Variants in TARS3 observed in about 807,000 individuals in gnomAD.
The protein encoded by TARS3 is threonyl-tRNA synthetase 3.
Under a neutral mutation model 103.5 loss-of-function variants are expected in TARS3, and 94 were observed. The ratio of observed to expected loss-of-function variants is 0.91; its 90% confidence interval spans 0.77 to 1.08. TARS3 has a LOEUF of 1.08. Among genes scored for constraint, TARS3 ranks in the 50% least tolerant of loss-of-function variants. The pLI is 0.00. For synonymous variants in TARS3, 416 were observed against 355.4 expected (o/e 1.17, Z -1.92); for missense variants, 952 against 995.2 (o/e 0.96, Z 0.58).
chr15:101,664,571 C>T (rs1011436482), intron 15 of TARS3: 19 of 152,178 alleles, frequency 1.2e-4, no homozygotes, highest in Admixed American at 7.9e-4. Flanking sequence ...ACTGAACTGA[C>T]ACCGAACCGC....
Position 101,657,004 on chromosome 15 carries a change from C to G in TARS3, c.2178G>C (p.Met726Ile). The G allele has an allele frequency of 6.2e-7, 1 of 1,613,782 alleles. No homozygotes were observed. Among genetic ancestry groups the G allele is most frequent in the Non-Finnish European group, 8.5e-7 (1 of 1,179,762 alleles). The change falls in exon 18 of 19, where the codon ATG (methionine) becomes ATC (isoleucine). Residue 726 changes from methionine to isoleucine, a missense_variant. Met to Ile is a conservative substitution (Grantham distance 10, BLOSUM62 1). Transcript: ENST00000335968. The part of the protein sequence containing the change: ...VSSEFFEEGF[M>I]ADVDLDHSCT... ...AACTGTGATCCAAGTCAACGTCAGC[C>G]ATAAATCCTTCTTCAAAAAATTCAC...
chr15:101,661,144 A>AGGACCAC (rs879628417), intron 16 of TARS3, among the ~76,000 whole-genome samples: 1 of 151,368 alleles, frequency 6.6e-6, no homozygotes, highest in African/African-American at 2.4e-5. Context: ...CCACTCAAAA[A>AGGACCAC]AGACCACAAG....
intron 7 of TARS3, among the ~76,000 whole-genome samples, chr15:101,704,862 T>C (rs1347775944): frequency 6.7e-6 from 1 of 149,820 alleles, no homozygotes; most frequent in Non-Finnish European, 1.5e-5. Flanking sequence ...ATTTTTAAGC[T>C]TTAAGAAATG....
rs948842509 is a variant in TARS3, at chr15:101,722,602, C to A, written c.369+491G>T. Among the ~76,000 whole-genome samples, 94 of 129,130 alleles carry A rather than the reference C, an allele frequency of 7.3e-4. 1 individual carries two copies. The highest frequency in any genetic ancestry group is 5.4e-3 in the Middle Eastern group (1 of 184). The allele number at this position is 129,130 out of a possible 152,430, so 84.7% of individuals were successfully genotyped here. A position where few individuals can be genotyped will look rare whatever the true frequency, so the allele number is the denominator to read the frequency against. ...TGGGCGGATCATGAGGTCAGGAGAT[C>A]GAGATCCTCCTGGCTAACACGGTGA... On this transcript the variant is annotated intron_variant, in intron 2 of 18. Coordinates refer to ENST00000335968, the MANE Select transcript of TARS3 (RefSeq NM_152334.3).
At chr15:101,702,148 C>T in intron 9 of TARS3, 91 bp downstream of exon 9, 1 of 1,503,488 alleles carries the variant, frequency 6.7e-7, no homozygotes, top group Non-Finnish European at 9.1e-7. Flanking sequence ...AAGAAGAAAT[C>T]TTATTTTTAA....
rs147811766 is a variant in TARS3 at position 101,654,377 on chromosome 15, C to G, written c.*205G>C. 5.1e-5 allele frequency: 24 copies of G among 468,766 alleles called. No individual in the cohort carries two copies. Among genetic ancestry groups the G allele is most frequent in the African/African-American group, 4.4e-4 (22 of 49,590 alleles). 29.0% of individuals were successfully genotyped at this position (468,766 alleles called of 1,614,324 possible). Reference sequence around the variant, plus strand: ...AGGCATTGATTGCTGGAAAATTTCCCACGTGCCCTCTAAACGTCCCCCGTG... The same window carrying G: ...AGGCATTGATTGCTGGAAAATTTCCGACGTGCCCTCTAAACGTCCCCCGTG... On this transcript the variant is annotated 3_prime_UTR_variant, in exon 19 of 19. Transcript: ENST00000335968.
chr15:101,704,577 C>A lies in TARS3; in HGVS notation c.996-640G>T, dbSNP rs575711091. ...GGCTGAGGCAGGAGAATCACTTGAA[C>A]CTGGGAGGCAGAGGTTGCGGTGAAC... On this transcript the variant is annotated intron_variant, in intron 7 of 18. Transcript: ENST00000335968. Among the ~76,000 whole-genome samples, 28 of 151,592 alleles carry A rather than the reference C, an allele frequency of 1.8e-4. No homozygotes were observed. In the East Asian group the frequency reaches 5.4e-3, roughly 29 times the overall value.
intron 16 of TARS3, among the ~76,000 whole-genome samples, chr15:101,661,299 A>C (rs1897368299): frequency 6.6e-6 from 1 of 151,588 alleles, no homozygotes; most frequent in South Asian, 2.1e-4. Context: ...GCTGTAGGGA[A>C]CCCCAAAGGC....
intron 7 of TARS3, among the ~76,000 whole-genome samples, chr15:101,705,322 A>G (rs901517424): frequency 4.6e-5 from 7 of 152,174 alleles, no homozygotes; most frequent in African/African-American, 1.7e-4. Flanking sequence ...CTGGACAGTA[A>G]GTATGAGGCA....
At chr15:101,663,755 T>C (rs1296646394) in intron 15 of TARS3, among the ~76,000 whole-genome samples, 1 of 152,226 alleles carries the variant, frequency 6.6e-6, no homozygotes, top group African/African-American at 2.4e-5. Flanking sequence ...CTAATAATAA[T>C]TTTATCTCTT....
At chr15:101,659,936 C>A (rs1156940101) in intron 16 of TARS3, among the ~76,000 whole-genome samples, 2 of 152,136 alleles carry the variant, frequency 1.3e-5, no homozygotes, top group Non-Finnish European at 2.9e-5. Context: ...GTTTCCTGCT[C>A]AAAAATTTGC....
chr15:101,655,361 A>G lies in TARS3; in HGVS notation c.2261-631T>C, dbSNP rs866897881. Among the ~76,000 whole-genome samples, 278 of 116,520 alleles carry G rather than the reference A, an allele frequency of 2.4e-3. 2 individuals are homozygous for G. The highest frequency in any genetic ancestry group is 5.0e-3 in the African/African-American group (143 of 28,404). 76.4% of individuals were successfully genotyped at this position (116,520 alleles called of 152,430 possible). ...TGACCCCACCTGGCACTAGGGTGCAAATGAGAGGGGGGAGCTCTTACAGGC... is the reference window on the plus strand; with the variant it reads ...TGACCCCACCTGGCACTAGGGTGCAGATGAGAGGGGGGAGCTCTTACAGGC... On this transcript the variant is annotated intron_variant, in intron 18 of 18. Coordinates refer to ENST00000335968, the MANE Select transcript of TARS3 (RefSeq NM_152334.3).
intron 8 of TARS3, among the ~76,000 whole-genome samples, chr15:101,703,025 G>A (rs1328542787): frequency 1.3e-5 from 2 of 152,156 alleles, no homozygotes; most frequent in Non-Finnish European, 2.9e-5. Context: ...GTAAAGGTCG[G>A]TCTTGCTGAC....
rs1288319923 is a variant in TARS3, at chr15:101,724,264, T to G, written c.124A>C (p.Ser42Arg). Residue 42 changes from serine to arginine, a missense_variant, in exon 1 of 19, where the codon AGC (serine) becomes CGC (arginine). By Grantham distance (110) the Ser-to-Arg change is moderately radical. Coordinates refer to ENST00000335968, the MANE Select transcript of TARS3 (RefSeq NM_152334.3). ...AGGCACGGCCCCTCCGCCTGGCAGC[T>G]GTAGGGCGCGTTCAGCTGCTCGTCC... is the stretch of plus-strand genomic sequence containing the variant. Reference protein sequence around the residue: ...LRDEQLNAPYSCQAEGPCLTR... With the variant: ...LRDEQLNAPYRCQAEGPCLTR... 5.7e-6 allele frequency: 9 copies of G among 1,569,140 alleles called. No individual in the cohort carries two copies. Among genetic ancestry groups the G allele is most frequent in the Admixed American group, 3.6e-5 (2 of 55,750 alleles).
chr15:101,670,861 T>C (rs1410863275), intron 15 of TARS3, among the ~76,000 whole-genome samples: 1 of 152,194 alleles, frequency 6.6e-6, no homozygotes, highest in African/African-American at 2.4e-5. Context: ...TCCACAGCAC[T>C]GTGCTACGTG....
chr15:101,685,954 T>TA lies in TARS3; in HGVS notation c.1428dup (p.Thr477TyrfsTer3). 6.2e-7 allele frequency: 1 copy of TA among 1,614,122 alleles called. No homozygotes were observed. Among genetic ancestry groups the TA allele is most frequent in the South Asian group, 1.1e-5 (1 of 91,082 alleles). On this transcript the variant is annotated frameshift_variant, in exon 11 of 19. Coordinates refer to ENST00000335968, the MANE Select transcript of TARS3 (RefSeq NM_152334.3). LOFTEE classifies it high-confidence loss of function. The stretch of plus-strand genomic sequence containing the variant: ...AAAGTGTCCTTTTCAATCTCAAAGG[T>TA]AAACATGTTCTCGCTGTAATGCTGC...
At chr15:101,677,183 G>T (rs1898061182) in intron 12 of TARS3, among the ~76,000 whole-genome samples, 1 of 152,170 alleles carries the variant, frequency 6.6e-6, no homozygotes, top group South Asian at 2.1e-4. Flanking sequence ...ATTTATTTCT[G>T]GGAATGCCTG....
chr15:101,671,457 TATA>T (rs1347593872), intron 15 of TARS3, 26 bp downstream of exon 15: 1 of 1,499,284 alleles, frequency 6.7e-7, no homozygotes, highest in Non-Finnish European at 9.2e-7. Flanking sequence ...ATATTAGTAC[TATA>T]ATATTTATCA....
chr15:101,671,813 C>A (rs1030005513), intron 13 of TARS3, 65 bp from the exon 14 acceptor site: 3 of 1,305,856 alleles, frequency 2.3e-6, no homozygotes, highest in Non-Finnish European at 2.2e-6. Context: ...ATACAGCTCA[C>A]AAAAGTTACT....
Sources: gnomAD v4.1 joint callset for allele counts (sites outside exome capture counted in the v4.1 genomes callset) on GRCh38, gnomAD v4.1.1 for gene constraint, MANE v1.5 for transcripts, NCBI Gene and HGNC (gene_info 2026-07-23, HGNC 2026-07-21) for gene names.